Variants in LRRTM4 observed in about 807,000 individuals in gnomAD.
LRRTM4 encodes the protein leucine-rich repeat transmembrane neuronal protein 4.
A neutral mutation model predicts 47.6 loss-of-function variants in LRRTM4; 25 were observed. The ratio of observed to expected loss-of-function variants is 0.53; its 90% CI spans 0.38 to 0.73. LRRTM4 has a LOEUF of 0.73. LRRTM4 is among the 30% of genes least tolerant of loss of function. The pLI, the probability that LRRTM4 is intolerant of heterozygous loss-of-function variation, is 0.00. For synonymous variants in LRRTM4, 311 were observed against 269.5 expected (o/e 1.15, Z -1.51); for missense variants, 638 against 713.4 (o/e 0.89, Z 1.20).
intron 3 of LRRTM4, among the ~76,000 whole-genome samples, chr2:76,948,366 C>A (rs1675390967): frequency 6.6e-6 from 1 of 151,814 alleles, no homozygotes. Context: ...CAGGTGAAGA[C>A]AAATGTCTTG....
rs1183847771 is a variant in LRRTM4 at position 77,481,894 on chromosome 2, A to T, written c.1551+36424T>A. ...TTTTTTTTTTTCTTTTTTTTTTTTT[A>T]AAACTTCTAGTTATTTTAGGACCTG... On this transcript the variant is annotated intron_variant, in intron 3 of 3. Coordinates refer to ENST00000409884, the MANE Select transcript of LRRTM4 (RefSeq NM_001134745.3). Among the ~76,000 whole-genome samples the T allele has an allele frequency of 2.1e-3, 305 of 148,064 alleles. 1 individual carries two copies. The highest frequency in any genetic ancestry group is 0.01 in the Middle Eastern group (3 of 292).
intron 3 of LRRTM4, among the ~76,000 whole-genome samples, chr2:76,950,886 T>A (rs1228674792): frequency 1.3e-5 from 2 of 152,044 alleles, no homozygotes. Context: ...AAAAACCTCA[T>A]TGTTTTCCTG....
At chr2:76,830,246 C>T (rs1281158864) in intron 3 of LRRTM4, among the ~76,000 whole-genome samples, 2 of 152,022 alleles carry the variant, frequency 1.3e-5, no homozygotes, top group Non-Finnish European at 2.9e-5. Flanking sequence ...AAAGTATTCA[C>T]AGTTCAATAA....
At chr2:77,328,390 T>C (rs1670858040) in intron 3 of LRRTM4, among the ~76,000 whole-genome samples, 1 of 152,178 alleles carries the variant, frequency 6.6e-6, no homozygotes, top group African/African-American at 2.4e-5. Context: ...TGGAGAATCC[T>C]GAAGCTTGCT....
At chr2:77,024,712 C>T (rs1236929507) in intron 3 of LRRTM4, among the ~76,000 whole-genome samples, 1 of 152,058 alleles carries the variant, frequency 6.6e-6, no homozygotes, top group Non-Finnish European at 1.5e-5. Context: ...AACAAAATTA[C>T]ATGTATGAAC....
At chr2:77,331,506 C>A (rs937539377) in intron 3 of LRRTM4, among the ~76,000 whole-genome samples, 1 of 152,172 alleles carries the variant, frequency 6.6e-6, no homozygotes, top group African/African-American at 2.4e-5. Context: ...GCCATCCATT[C>A]TCTCCTTTTA....
At chr2:76,797,716 A>T (rs1244872666) in intron 3 of LRRTM4, among the ~76,000 whole-genome samples, 1 of 151,370 alleles carries the variant, frequency 6.6e-6, no homozygotes, top group Admixed American at 6.6e-5. Context: ...GTATTCAGGA[A>T]ACCCATCTCA....
intron 3 of LRRTM4, among the ~76,000 whole-genome samples, chr2:76,930,658 T>C (rs944999101): frequency 1.3e-5 from 2 of 152,106 alleles, no homozygotes. Flanking sequence ...GACTTCAGCA[T>C]GCTGTAGTGG....
At chr2:76,857,145 C>G (rs1672177035) in intron 3 of LRRTM4, among the ~76,000 whole-genome samples, 1 of 151,536 alleles carries the variant, frequency 6.6e-6, no homozygotes, top group Non-Finnish European at 1.5e-5. Flanking sequence ...TCCTCTTCTT[C>G]CTCCTTCTCC....
At chr2:77,298,275 C>A (rs1378307482) in intron 3 of LRRTM4, among the ~76,000 whole-genome samples, 1 of 152,170 alleles carries the variant, frequency 6.6e-6, no homozygotes, top group Admixed American at 6.5e-5. Flanking sequence ...CTCGCTCTGT[C>A]GCCCAGGCTG....
intron 3 of LRRTM4, among the ~76,000 whole-genome samples, chr2:77,029,368 C>A (rs977503341): frequency 2.0e-5 from 3 of 152,132 alleles, no homozygotes; most frequent in Non-Finnish European, 2.9e-5. Context: ...GACAGTGCAG[C>A]CTTCAGTCTG....
intron 3 of LRRTM4, among the ~76,000 whole-genome samples, chr2:77,161,011 T>C (rs1672713312): frequency 1.3e-5 from 2 of 152,124 alleles, no homozygotes; most frequent in South Asian, 2.1e-4. Flanking sequence ...AGAAAAATGA[T>C]CCTTAGATCA....
intron 3 of LRRTM4, among the ~76,000 whole-genome samples, chr2:77,418,524 T>C (rs1237194702): frequency 3.9e-5 from 6 of 152,202 alleles, no homozygotes; most frequent in Admixed American, 2.6e-4. Flanking sequence ...AATAATTCTG[T>C]GCTCAAAAAT....
intron 3 of LRRTM4, among the ~76,000 whole-genome samples, chr2:76,920,477 G>A (rs930863786): frequency 6.6e-6 from 1 of 152,122 alleles, no homozygotes. Flanking sequence ...TTGTGTGAAA[G>A]TCTGACATTG....
intron 3 of LRRTM4, among the ~76,000 whole-genome samples, chr2:77,005,085 T>C (rs1468476237): frequency 6.6e-6 from 1 of 152,108 alleles, no homozygotes; most frequent in African/African-American, 2.4e-5. Flanking sequence ...CTTGGACTTT[T>C]GGGTTAATGC....
intron 3 of LRRTM4, among the ~76,000 whole-genome samples, chr2:77,249,373 G>C (rs955756320): frequency 6.6e-6 from 1 of 151,614 alleles, no homozygotes; most frequent in Non-Finnish European, 1.5e-5. Context: ...TAAATAAAAT[G>C]AAATAAATTT....
chr2:76,832,757 C>G (rs907539039), intron 3 of LRRTM4, among the ~76,000 whole-genome samples: 1 of 151,774 alleles, frequency 6.6e-6, no homozygotes, highest in Non-Finnish European at 1.5e-5. Flanking sequence ...TTCTAACGTA[C>G]CTAAAAACTT....
chr2:77,101,544 A>G lies in LRRTM4; in HGVS notation c.1552-352628T>C, dbSNP rs529119917. On this transcript the variant is annotated intron_variant, in intron 3 of 3. Transcript: ENST00000409884. Reference sequence around the variant, plus strand: ...CCTCCACCTGACACCTGAACATCATAGTTAGCCTAATAAAATTTTAAGGAA... The same window carrying G: ...CCTCCACCTGACACCTGAACATCATGGTTAGCCTAATAAAATTTTAAGGAA... Among the ~76,000 whole-genome samples, 76 of 152,328 alleles carry G rather than the reference A, an allele frequency of 5.0e-4. 1 individual carries two copies. The Middle Eastern group carries it at 0.024, about 48-fold the overall frequency.
At chr2:77,360,512 GATACGATA>G (rs1672159228) in intron 3 of LRRTM4, among the ~76,000 whole-genome samples, 6 of 150,348 alleles carry the variant, frequency 4.0e-5, no homozygotes, top group Admixed American at 4.0e-4. Flanking sequence ...GATACGATAC[GATACGATA>G]CGATACGATA....
Sources: allele counts gnomAD v4.1 joint callset (sites outside exome capture counted in the v4.1 genomes callset), GRCh38; gene constraint gnomAD v4.1.1; transcripts MANE v1.5; gene names NCBI Gene and HGNC (gene_info 2026-07-23, HGNC 2026-07-21).